Variants in SDK1 observed in about 807,000 individuals in gnomAD.
SDK1 encodes the protein protein sidekick-1.
SDK1 carries 157 observed loss-of-function variants against 245.5 expected under a neutral mutation model. That is an observed-to-expected ratio of 0.64 (90% CI 0.56 to 0.73). The LOEUF (loss-of-function observed/expected upper bound fraction) is 0.73. Ranked by LOEUF, SDK1 falls within the 30% of genes least tolerant of loss-of-function variation. The pLI is 0.00. For synonymous variants in SDK1, 1,647 were observed against 1,278.5 expected (o/e 1.29, Z -6.15); for missense variants, 3,583 against 3,002.3 (o/e 1.19, Z -4.52).
chr7:3,916,435 A>G (rs904709477), intron 5 of SDK1, among the ~76,000 whole-genome samples: 8 of 152,078 alleles, frequency 5.3e-5, no homozygotes, highest in African/African-American at 1.9e-4. Flanking sequence ...CTGAGTTTCT[A>G]TTTTCCTTGC....
At chr7:3,828,936 T>C (rs186945511) in intron 5 of SDK1, among the ~76,000 whole-genome samples, 36 of 152,240 alleles carry the variant, frequency 2.4e-4, no homozygotes, top group Non-Finnish European at 4.9e-4. Flanking sequence ...GGATTACAGG[T>C]GTGAGCTACT....
intron 17 of SDK1, among the ~76,000 whole-genome samples, chr7:4,031,457 A>G (rs993738731): frequency 1.3e-5 from 2 of 152,180 alleles, no homozygotes; most frequent in South Asian, 4.1e-4. Context: ...GAGAGGACTA[A>G]GGTTCTATGT....
intron 14 of SDK1, among the ~76,000 whole-genome samples, chr7:3,996,937 G>GT (rs1784730897): frequency 6.6e-6 from 1 of 152,112 alleles, no homozygotes; most frequent in Non-Finnish European, 1.5e-5. Flanking sequence ...AATATAGATT[G>GT]TTTTTTATTG....
At chr7:3,661,754 C>G (rs1019490226) in intron 4 of SDK1, among the ~76,000 whole-genome samples, 1 of 152,192 alleles carries the variant, frequency 6.6e-6, no homozygotes. Context: ...GGAAACCAGG[C>G]TGTCTGGGTT....
At chr7:3,877,946 T>A (rs1301305662) in intron 5 of SDK1, among the ~76,000 whole-genome samples, 1 of 152,254 alleles carries the variant, frequency 6.6e-6, no homozygotes, top group Non-Finnish European at 1.5e-5. Context: ...CACAGCTGTT[T>A]CCTTAGAGTA....
At chr7:3,405,742 T>C (rs1309072168) in intron 1 of SDK1, among the ~76,000 whole-genome samples, 2 of 152,150 alleles carry the variant, frequency 1.3e-5, no homozygotes, top group Non-Finnish European at 2.9e-5. Context: ...ACTAGTCATC[T>C]TGATTGTACT....
At chr7:3,794,202 G>C (rs1778906538) in intron 4 of SDK1, among the ~76,000 whole-genome samples, 1 of 152,180 alleles carries the variant, frequency 6.6e-6, no homozygotes, top group African/African-American at 2.4e-5. Flanking sequence ...ATACCCAGCT[G>C]ACCCCTTGAA....
At chr7:3,384,602 A>G (rs2128567955) in intron 1 of SDK1, among the ~76,000 whole-genome samples, 1 of 152,330 alleles carries the variant, frequency 6.6e-6, no homozygotes, top group South Asian at 2.1e-4. Flanking sequence ...CGAACATCGA[A>G]GGACTTCGCT....
At chr7:3,406,298 C>T (rs753095988) in intron 1 of SDK1, among the ~76,000 whole-genome samples, 1 of 152,184 alleles carries the variant, frequency 6.6e-6, no homozygotes, top group African/African-American at 2.4e-5. Context: ...AACCGTCTAT[C>T]TGTATCTGTG....
intron 1 of SDK1, among the ~76,000 whole-genome samples, chr7:3,615,739 C>G (rs914084010): frequency 1.3e-5 from 2 of 151,704 alleles, no homozygotes; most frequent in African/African-American, 2.4e-5. Context: ...CTAACTATTG[C>G]TTTAAAGCGG....
intron 14 of SDK1, among the ~76,000 whole-genome samples, chr7:4,002,715 A>G (rs1331594459): frequency 6.6e-6 from 1 of 152,168 alleles, no homozygotes; most frequent in African/African-American, 2.4e-5. Flanking sequence ...AAAATTTACC[A>G]TTTTTTACCC....
intron 1 of SDK1, among the ~76,000 whole-genome samples, chr7:3,458,093 C>G (rs935045157): frequency 2.0e-5 from 3 of 151,692 alleles, no homozygotes; most frequent in African/African-American, 7.3e-5. Context: ...GTGTTTTTCC[C>G]TGTTGGAATA....
intron 21 of SDK1, among the ~76,000 whole-genome samples, chr7:4,078,142 CT>C (rs1180770563): frequency 3.9e-5 from 6 of 152,140 alleles, no homozygotes; most frequent in Non-Finnish European, 5.9e-5. Flanking sequence ...GGCCAAACCC[CT>C]GATAACCAAG....
intron 20 of SDK1, among the ~76,000 whole-genome samples, chr7:4,070,902 G>C (rs926052231): frequency 6.6e-6 from 1 of 150,950 alleles, no homozygotes; most frequent in African/African-American, 2.4e-5. Flanking sequence ...GTGAAGGCGG[G>C]GGTTTCACCA....
rs113796647 is a variant in SDK1, at chr7:4,069,783, C to T, written c.3010+1847C>T. Among the ~76,000 whole-genome samples the T allele has an allele frequency of 9.2e-3, 1,406 of 152,352 alleles. 24 individuals are homozygous for T. The highest frequency in any genetic ancestry group is 0.032 in the African/African-American group (1,333 of 41,576). ...CTGGCCACTTCCACTGTGTTTGTCA[C>T]CCTAGCCTTGTGGGATCTCGTTTTG... On this transcript the variant is annotated intron_variant, in intron 20 of 44. Transcript: ENST00000404826.
intron 1 of SDK1, among the ~76,000 whole-genome samples, chr7:3,497,718 G>T (rs1219322107): frequency 1.3e-5 from 2 of 152,180 alleles, no homozygotes; most frequent in South Asian, 4.1e-4. Context: ...CACATACCTT[G>T]ATAAACCCCT....
In SDK1 at chr7:4,077,164, C is replaced by G. The variant is rs1485891881; in HGVS notation, c.3177C>G (p.Ser1059=). The change falls in exon 21 of 45, where the codon TCC becomes TCG. Residue 1059 remains serine (S), a synonymous_variant. Transcript: ENST00000404826. The stretch of plus-strand genomic sequence containing the variant: ...TGGGCACTGGCCTGGTGACTTCATC[C>G]ACCATTTCTTCTGGAGTGCCCCCAG... The part of the protein sequence containing the change: ...TAVGTGLVTS[S]TISSGVPPDL... The G allele has an allele frequency of 6.2e-7, 1 of 1,614,204 alleles. No individual in the cohort carries two copies. The highest frequency in any genetic ancestry group is 2.2e-5 in the East Asian group (1 of 44,874).
At chr7:4,061,013 G>A (rs997379576) in intron 19 of SDK1, among the ~76,000 whole-genome samples, 13 of 152,154 alleles carry the variant, frequency 8.5e-5, no homozygotes, top group African/African-American at 2.9e-4. Flanking sequence ...CTCTGTTTTG[G>A]TACCAGTACC....
At chr7:4,009,771 C>A (rs1165105839) in intron 14 of SDK1, among the ~76,000 whole-genome samples, 2 of 152,242 alleles carry the variant, frequency 1.3e-5, no homozygotes, top group Non-Finnish European at 2.9e-5. Context: ...GTGATAGACA[C>A]CTCTGTGTGA....
Sources: allele counts gnomAD v4.1 joint callset (sites outside exome capture counted in the v4.1 genomes callset), GRCh38; gene constraint gnomAD v4.1.1; transcripts MANE v1.5; gene names NCBI Gene and HGNC (gene_info 2026-07-23, HGNC 2026-07-21).